ATP2B4: variants seen among roughly 807,000 people sequenced by gnomAD.
ATP2B4 encodes plasma membrane calcium-transporting ATPase 4.
A neutral mutation model predicts 110.3 loss-of-function variants in ATP2B4; 39 were observed. That is an observed-to-expected ratio of 0.35 (90% CI 0.27 to 0.46). ATP2B4 has a LOEUF of 0.46. Among genes scored for constraint, ATP2B4 ranks in the 20% least tolerant of loss-of-function variants. ATP2B4 has a pLI of 1.00. For synonymous variants in ATP2B4, 538 were observed against 571.7 expected (o/e 0.94, Z 0.84); for missense variants, 1,135 against 1,530.9 (o/e 0.74, Z 4.32).
In ATP2B4 at chr1:203,722,700, A is replaced by G; in HGVS notation, c.3024+11A>G. On this transcript the variant is annotated intron_variant, in intron 18 of 20. Transcript: ENST00000357681. ...ACATTCATCTGCCAGGTGAGATTCT[A>G]TCTGCAGTTGGGGCAGGAGATCTGG... The G allele has an allele frequency of 6.2e-7, 1 of 1,613,328 alleles. No homozygotes were observed. The highest frequency in any genetic ancestry group is 1.1e-5 in the South Asian group (1 of 91,062).
chr1:203,686,994 C>CTTTTTTTTTTTTTTTTTTTTTTTT, intron 2 of ATP2B4, among the ~76,000 whole-genome samples: 1 of 86,458 alleles, frequency 1.2e-5, no homozygotes, highest in Non-Finnish European at 2.2e-5. Flanking sequence ...GGCATCTGGC[C>CTTTTTTTTTTTTTTTTTTTTTTTT]TTTTTTTTTT....
At chr1:203,728,587 G>A (rs1666592781) in intron 20 of ATP2B4, among the ~76,000 whole-genome samples, 2 of 152,234 alleles carry the variant, frequency 1.3e-5, no homozygotes, top group African/African-American at 2.4e-5. Flanking sequence ...GCCAGGCATG[G>A]TGGCTCACGC....
chr1:203,704,467 CTTTTTTT>C (rs35019828), intron 8 of ATP2B4, among the ~76,000 whole-genome samples: 2 of 68,794 alleles, frequency 2.9e-5, no homozygotes, highest in South Asian at 5.7e-4. Flanking sequence ...AAGGAACAGT[CTTTTTTT>C]TTTTTTTTTT....
At chr1:203,706,840 T>C (rs371481525) in intron 8 of ATP2B4, among the ~76,000 whole-genome samples, 169 bp from the exon 9 acceptor site, 1 of 152,158 alleles carries the variant, frequency 6.6e-6, no homozygotes, top group Admixed American at 6.5e-5. Context: ...CTGTTCCCTA[T>C]GCTATAATGT....
chr1:203,693,318 A>G (rs1665439936), intron 2 of ATP2B4, among the ~76,000 whole-genome samples: 1 of 152,128 alleles, frequency 6.6e-6, no homozygotes, highest in Admixed American at 6.5e-5. Flanking sequence ...ATGCCTCACC[A>G]CATGTCAGAG....
At chr1:203,698,916 C>T (rs1394137664) in intron 3 of ATP2B4, among the ~76,000 whole-genome samples, 2 of 152,054 alleles carry the variant, frequency 1.3e-5, no homozygotes, top group Non-Finnish European at 2.9e-5. Flanking sequence ...GGATTACAGG[C>T]GTGACCCACT....
At chr1:203,674,376 A>C (rs1056838316) in intron 1 of ATP2B4, among the ~76,000 whole-genome samples, 1 of 152,108 alleles carries the variant, frequency 6.6e-6, no homozygotes, top group Non-Finnish European at 1.5e-5. Flanking sequence ...CCTCTGAGTC[A>C]CTGGAGGACA....
chr1:203,676,261 C>A (rs923535689), intron 1 of ATP2B4, among the ~76,000 whole-genome samples: 2 of 152,188 alleles, frequency 1.3e-5, no homozygotes, highest in Non-Finnish European at 2.9e-5. Context: ...CTTCTGCAAA[C>A]CAGTTGGCAT....
chr1:203,721,116 C>G, intron 16 of ATP2B4, 81 bp from the exon 17 acceptor site: 1 of 1,432,624 alleles, frequency 7.0e-7, no homozygotes, highest in Non-Finnish European at 9.7e-7. Flanking sequence ...CTAGGTGGGT[C>G]GTGGGAGCTG....
chr1:203,725,794 C>G (rs1666491152), intron 19 of ATP2B4, among the ~76,000 whole-genome samples: 3 of 152,008 alleles, frequency 2.0e-5, no homozygotes, highest in Non-Finnish European at 4.4e-5. Context: ...CCCTAACTGG[C>G]CTCAAAGAGC....
intron 2 of ATP2B4, among the ~76,000 whole-genome samples, chr1:203,687,994 GATTATTATTATTATTATTATT>G (rs71145015): frequency 4.3e-5 from 6 of 138,668 alleles, no homozygotes; most frequent in African/African-American, 1.4e-4. Flanking sequence ...GAGAGAAAGA[GATTATTATTATTATTATTATT>G]ATTATTATTA....
In ATP2B4 at chr1:203,709,560, C is replaced by T; in HGVS notation, c.1799+18C>T. The stretch of plus-strand genomic sequence containing the variant: ...TTGCGCAAGTGAGCACCCCCGACCA[C>T]TCTGCTTCCCTTCAAGATCCTCTCC... On this transcript the variant is annotated intron_variant, in intron 11 of 20. Coordinates refer to ENST00000357681, the MANE Select transcript of ATP2B4 (RefSeq NM_001684.5). 6.2e-7 allele frequency: 1 copy of T among 1,613,628 alleles called. No individual in the cohort carries two copies. Among genetic ancestry groups the T allele is most frequent in the Non-Finnish European group, 8.5e-7 (1 of 1,179,640 alleles).
chr1:203,653,976 TATATA>T (rs750164604), intron 1 of ATP2B4, among the ~76,000 whole-genome samples: 3,467 of 117,860 alleles, frequency 0.029, 137 homozygotes, highest in Middle Eastern at 0.069. Context: ...TATATATATA[TATATA>T]TATATTTTTT....
At chr1:203,702,320 G>GT (rs1470767767) in intron 7 of ATP2B4, among the ~76,000 whole-genome samples, 1 of 152,156 alleles carries the variant, frequency 6.6e-6, no homozygotes, top group Non-Finnish European at 1.5e-5. Flanking sequence ...GTCAAGGTTT[G>GT]TCTTGGGGAG....
chr1:203,678,713 C>T (rs1571713036), intron 1 of ATP2B4, among the ~76,000 whole-genome samples: 1 of 152,148 alleles, frequency 6.6e-6, no homozygotes, highest in South Asian at 2.1e-4. Flanking sequence ...AGATGCCTGC[C>T]TTTTAAAGGG....
rs568875173 is a variant in ATP2B4, at chr1:203,695,720, A to AC, written c.194-2431dup. 1.0e-4 allele frequency among the ~76,000 whole-genome samples: 8 copies of AC among 79,014 alleles called. No individual in the cohort carries two copies. The South Asian group carries it at 3.6e-3, about 35-fold the overall frequency. 51.8% of individuals were successfully genotyped at this position (79,014 alleles called of 152,430 possible). A position where few individuals can be genotyped will look rare whatever the true frequency, so the allele number is the denominator to read the frequency against. ...CCCTGCCCCCCCACTTTCATCTCCCACCCCCCACATCTACCTTCCCAGACA... is the reference window on the plus strand; with the variant it reads ...CCCTGCCCCCCCACTTTCATCTCCCACCCCCCCACATCTACCTTCCCAGACA... On this transcript the variant is annotated intron_variant, in intron 2 of 20. Transcript: ENST00000357681.
intron 2 of ATP2B4, among the ~76,000 whole-genome samples, chr1:203,691,547 G>T (rs1665373476): frequency 6.6e-6 from 1 of 152,230 alleles, no homozygotes; most frequent in African/African-American, 2.4e-5. Flanking sequence ...ATAAAGGGAA[G>T]CATGCCCTGA....
chr1:203,652,995 C>T (rs749453414), intron 1 of ATP2B4, among the ~76,000 whole-genome samples: 1 of 152,192 alleles, frequency 6.6e-6, no homozygotes, highest in East Asian at 1.9e-4. Context: ...CTGAGGAAGT[C>T]GTGTTGAAAG....
intron 1 of ATP2B4, among the ~76,000 whole-genome samples, chr1:203,646,520 T>C (rs1304551752): frequency 1.3e-5 from 2 of 152,108 alleles, no homozygotes; most frequent in Non-Finnish European, 2.9e-5. Flanking sequence ...TCCCAGCACC[T>C]TGGGAGGCCA....
Sources: gnomAD v4.1 joint callset for allele counts (sites outside exome capture counted in the v4.1 genomes callset) on GRCh38, gnomAD v4.1.1 for gene constraint, MANE v1.5 for transcripts, NCBI Gene and HGNC (gene_info 2026-07-23, HGNC 2026-07-21) for gene names.